The following PKD1L1 variants were observed in gnomAD, a reference collection of about 807,000 sequenced individuals.
PKD1L1 encodes the protein polycystin-1-like protein 1.
PKD1L1 carries 236 observed loss-of-function variants against 323.4 expected under a neutral mutation model. The observed-to-expected ratio is 0.73, with a 90% confidence interval of 0.66 to 0.81. PKD1L1 has a LOEUF of 0.81. Among genes scored for constraint, PKD1L1 ranks in the 40% least tolerant of loss-of-function variants. PKD1L1 has a pLI of 0.00. For synonymous variants in PKD1L1, 1,344 were observed against 1,335.0 expected (o/e 1.01, Z -0.15); for missense variants, 3,320 against 3,508.0 (o/e 0.95, Z 1.35).
chr7:47,959,156 T>A, the PKD1L1 span, among the ~76,000 whole-genome samples: 2 of 152,086 alleles, frequency 1.3e-5, no homozygotes, highest in African/African-American at 2.4e-5. Flanking sequence ...TGCAGTGGCG[T>A]GATCTCGGCT....
intron 27 of PKD1L1, among the ~76,000 whole-genome samples, chr7:47,858,244 A>T (rs1027937065): frequency 2.6e-5 from 4 of 152,228 alleles, no homozygotes; most frequent in Non-Finnish European, 5.9e-5. Flanking sequence ...TTCCAAAGTT[A>T]CCAGAGCAGA....
intron 8 of PKD1L1, among the ~76,000 whole-genome samples, chr7:47,909,458 T>C (rs987225233): frequency 1.3e-5 from 2 of 152,154 alleles, no homozygotes; most frequent in Admixed American, 6.6e-5. Flanking sequence ...TGTGCCTCCA[T>C]CTGGCCAACT....
intron 56 of PKD1L1, among the ~76,000 whole-genome samples, chr7:47,787,075 C>T: frequency 6.6e-6 from 1 of 151,778 alleles, no homozygotes; most frequent in South Asian, 2.1e-4. Context: ...GATGAAGAAA[C>T]AAATAAATGC....
chr7:47,892,148 A>G (rs1786834588), intron 15 of PKD1L1, among the ~76,000 whole-genome samples: 1 of 152,204 alleles, frequency 6.6e-6, no homozygotes, highest in Admixed American at 6.5e-5. Flanking sequence ...GTCAAGGGTG[A>G]CTACTGTGAA....
rs145795954 is a variant in PKD1L1 at position 47,883,270 on chromosome 7, T to C, written c.3266-1185A>G. On this transcript the variant is annotated intron_variant, in intron 19 of 56. Coordinates refer to ENST00000289672, the MANE Select transcript of PKD1L1 (RefSeq NM_138295.5). ...TCTCTTGGGGCTGGGGCTAGCCAAC[T>C]CTTAGAGATTACAAAAGGCCCAGCC... 1.3e-3 allele frequency among the ~76,000 whole-genome samples: 192 copies of C among 152,306 alleles called. 1 individual carries two copies. In the East Asian group the frequency reaches 0.032, roughly 26 times the overall value.
chr7:47,859,442 TTC>T (rs1052546115), intron 26 of PKD1L1, among the ~76,000 whole-genome samples: 1 of 152,018 alleles, frequency 6.6e-6, no homozygotes, highest in Admixed American at 6.6e-5. Context: ...AATCCTGCTT[TTC>T]TCTCTCTCTG....
At chr7:47,876,272 T>C in intron 22 of PKD1L1, 55 bp from the exon 23 acceptor site, 1 of 1,573,064 alleles carries the variant, frequency 6.4e-7, no homozygotes, top group Non-Finnish European at 8.7e-7. Flanking sequence ...CTGTGAATGA[T>C]ATCACAATAC....
chr7:47,795,890 C>T, intron 55 of PKD1L1, 99 bp downstream of exon 55: 1 of 1,380,404 alleles, frequency 7.2e-7, no homozygotes, highest in Non-Finnish European at 1.0e-6. Flanking sequence ...GGCATGGAAA[C>T]ATACTCATGC....
intron 50 of PKD1L1, 82 bp from the exon 51 acceptor site, chr7:47,809,659 C>T: frequency 1.0e-6 from 1 of 991,440 alleles, no homozygotes; most frequent in South Asian, 1.8e-5. Flanking sequence ...GTGACCAGCT[C>T]CCCTGCCAAT....
intron 7 of PKD1L1, among the ~76,000 whole-genome samples, chr7:47,922,546 G>A (rs890113490): frequency 6.6e-5 from 10 of 151,352 alleles, no homozygotes; most frequent in African/African-American, 2.2e-4. Context: ...TGTGAAGAGC[G>A]CCTCTGCCAG....
intron 19 of PKD1L1, among the ~76,000 whole-genome samples, chr7:47,882,556 T>TG (rs140882242): frequency 0.043 from 6,469 of 152,162 alleles, 245 homozygotes; most frequent in East Asian, 0.19. Flanking sequence ...CCTTCTGAGA[T>TG]GGAGGTCAGG....
At chr7:47,938,895 GTTTC>G (rs762798583) in intron 3 of PKD1L1, among the ~76,000 whole-genome samples, 2 of 152,186 alleles carry the variant, frequency 1.3e-5, no homozygotes, top group Non-Finnish European at 2.9e-5. Context: ...GTTTTGTTTG[GTTTC>G]TTTGACTTTT....
chr7:47,896,329 CAAAA>C (rs34061319), intron 14 of PKD1L1, among the ~76,000 whole-genome samples: 3 of 46,870 alleles, frequency 6.4e-5, no homozygotes, highest in Admixed American at 2.3e-4. Context: ...GACCCTGTCT[CAAAA>C]AAAAAAAAAA....
intron 41 of PKD1L1, 148 bp from the exon 42 acceptor site, chr7:47,831,500 G>A (rs1409549771): frequency 1.3e-5 from 14 of 1,079,418 alleles, no homozygotes; most frequent in Admixed American, 5.4e-5. Context: ...GAGTGTGTTC[G>A]GGGTTGGGGG....
intron 5 of PKD1L1, 91 bp from the exon 6 acceptor site, chr7:47,931,412 CA>C (rs1190162346): frequency 4.5e-6 from 6 of 1,346,086 alleles, no homozygotes; most frequent in Non-Finnish European, 6.1e-6. Context: ...GCCAATTTAA[CA>C]AACAGCCCCA....
At chr7:47,872,260 T>C (rs1786297928) in intron 24 of PKD1L1, among the ~76,000 whole-genome samples, 1 of 152,192 alleles carries the variant, frequency 6.6e-6, no homozygotes, top group African/African-American at 2.4e-5. Context: ...GTCCCATGCC[T>C]GTGCTGCTTT....
intron 13 of PKD1L1, among the ~76,000 whole-genome samples, chr7:47,901,133 A>G (rs1391751154): frequency 6.6e-6 from 1 of 152,094 alleles, no homozygotes; most frequent in Non-Finnish European, 1.5e-5. Flanking sequence ...TGAGGCCAGG[A>G]GTTAAAGACC....
At chr7:47,791,418 T>C (rs1786945031) in intron 56 of PKD1L1, among the ~76,000 whole-genome samples, 1 of 152,158 alleles carries the variant, frequency 6.6e-6, no homozygotes, top group African/African-American at 2.4e-5. Flanking sequence ...TATTTCATCT[T>C]GGAGTTCTTT....
intron 19 of PKD1L1, among the ~76,000 whole-genome samples, chr7:47,884,196 T>C (rs986340648): frequency 5.4e-5 from 8 of 148,074 alleles, no homozygotes; most frequent in African/African-American, 2.0e-4. Flanking sequence ...GCGGGGGGAG[T>C]GGTGGTCCTT....
Sources: gnomAD v4.1 joint callset for allele counts (sites outside exome capture counted in the v4.1 genomes callset) on GRCh38, gnomAD v4.1.1 for gene constraint, MANE v1.5 for transcripts, NCBI Gene and HGNC (gene_info 2026-07-23, HGNC 2026-07-21) for gene names.